Variants in RUNX1 observed in about 807,000 individuals in gnomAD.
The protein encoded by RUNX1 is RUNX family transcription factor 1.
A neutral mutation model predicts 42.8 loss-of-function variants in RUNX1; 19 were observed. The ratio of observed to expected loss-of-function variants is 0.44; its 90% confidence interval spans 0.31 to 0.65. The LOEUF is 0.65. RUNX1 is among the 30% of genes least tolerant of loss of function. The probability of loss-of-function intolerance (pLI) is 0.07; values close to 1 mark genes in which losing one functional copy is unlikely to be tolerated. For missense variants in RUNX1, 528 were observed against 672.0 expected, an observed-to-expected ratio of 0.79 and a Z score of 2.37; for synonymous variants, 271 against 289.4, an observed-to-expected ratio of 0.94 and a Z score of 0.64.
intron 7 of RUNX1, among the ~76,000 whole-genome samples, chr21:34,820,197 G>T (rs561661201): frequency 2.0e-5 from 3 of 152,194 alleles, no homozygotes; most frequent in African/African-American, 7.2e-5. Context: ...CTGGGGCTGC[G>T]GAGGGTGGGC....
At position 35,038,466 on chromosome 21, in the gene RUNX1, T is replaced by A. The variant is rs750158435; in HGVS notation, c.58+10376A>T. 5 of 454,462 alleles carry A rather than the reference T, an allele frequency of 1.1e-5. 1 individual carries two copies. The highest frequency in any genetic ancestry group is 7.8e-5 in the South Asian group (5 of 64,382). 28.2% of individuals were successfully genotyped at this position (454,462 alleles called of 1,614,324 possible). A position where few individuals can be genotyped will look rare whatever the true frequency, so the allele number is the denominator to read the frequency against. On this transcript the variant is annotated intron_variant, in intron 2 of 8. Coordinates refer to ENST00000675419, the MANE Select transcript of RUNX1 (RefSeq NM_001754.5). ...AGCTACGTCCTGGTGAGCAGAGACA[T>A]GACAGCAGCAGTTTCTGCTACACCT...
rs144758935 is a variant in RUNX1 at position 34,901,569 on chromosome 21, G to A, written c.59-8606C>T. Among the ~76,000 whole-genome samples the A allele has an allele frequency of 1.2e-3, 180 of 152,184 alleles. No homozygotes were observed. The highest frequency in any genetic ancestry group is 2.2e-3 in the Non-Finnish European group (148 of 68,020). ...CCAGTTTCTATCTGTTAGTCTTACG[G>A]GTTGAAGACAGAGGTTAAGGGGCCA... On this transcript the variant is annotated intron_variant, in intron 2 of 8. Transcript: ENST00000675419. This position sits in a 1 kb window ranked among gnomAD's most constrained non-coding sequence, Gnocchi z 4.3.
At chr21:34,873,781 T>C (rs2284618) in intron 5 of RUNX1, among the ~76,000 whole-genome samples, 36,033 of 152,164 alleles carry the variant, frequency 0.24, 4,477 homozygotes, top group African/African-American at 0.29. Context: ...ATGCCGTCGA[T>C]TGCTCTGTCT....
intron 2 of RUNX1, among the ~76,000 whole-genome samples, chr21:35,015,624 G>A (rs754758414): frequency 5.3e-5 from 8 of 152,180 alleles, no homozygotes; most frequent in Non-Finnish European, 8.8e-5. Flanking sequence ...CTTTGATCAT[G>A]CGAAAGTCAA....
intron 2 of RUNX1, among the ~76,000 whole-genome samples, chr21:34,910,323 T>A (rs1013635946): frequency 7.9e-5 from 12 of 152,158 alleles, no homozygotes; most frequent in African/African-American, 2.4e-4. Flanking sequence ...CAGGTCCTAT[T>A]TTTCTCCTTT....
At chr21:34,826,062 A>G (rs2056982699) in intron 7 of RUNX1, among the ~76,000 whole-genome samples, 1 of 152,204 alleles carries the variant, frequency 6.6e-6, no homozygotes, top group Admixed American at 6.5e-5. Flanking sequence ...TAAGCCACCA[A>G]GTTTGTGGTT....
intron 2 of RUNX1, among the ~76,000 whole-genome samples, chr21:35,003,422 A>G (rs1367404675): frequency 2.0e-5 from 3 of 152,232 alleles, no homozygotes; most frequent in African/African-American, 7.2e-5. Context: ...CAGTACATGT[A>G]GACATGACTA....
At chr21:34,988,918 G>A (rs2058913134) in intron 2 of RUNX1, among the ~76,000 whole-genome samples, 1 of 152,104 alleles carries the variant, frequency 6.6e-6, no homozygotes, top group South Asian at 2.1e-4. Flanking sequence ...TCCTCAAAGG[G>A]AACTGAGATG....
intron 7 of RUNX1, among the ~76,000 whole-genome samples, chr21:34,812,308 G>A (rs2056768391): frequency 6.6e-6 from 1 of 152,174 alleles, no homozygotes; most frequent in African/African-American, 2.4e-5. Context: ...CAGCCATTTT[G>A]CACACCCCAA....
intron 2 of RUNX1, among the ~76,000 whole-genome samples, chr21:35,044,021 CTT>C (rs2059379124): frequency 6.6e-6 from 1 of 152,218 alleles, no homozygotes; most frequent in Admixed American, 6.5e-5. Flanking sequence ...AGATCAAAGA[CTT>C]AGCATGACAT....
rs1038214564 is a variant in RUNX1, at chr21:34,792,690, C to T, written c.968-80G>A. ...CAGCTCTTCCCTCTGCCCCAGGGGGCTACCCAGGATGATACCGCCTAGGAG... is the reference window on the plus strand; with the variant it reads ...CAGCTCTTCCCTCTGCCCCAGGGGGTTACCCAGGATGATACCGCCTAGGAG... On this transcript the variant is annotated intron_variant, in intron 8 of 8. Transcript: ENST00000675419. The surrounding 1 kb of genome is among the most constrained non-coding windows in gnomAD (Gnocchi z 6.9). 16 of 1,361,310 alleles carry T rather than the reference C, an allele frequency of 1.2e-5. No homozygotes were observed. The highest frequency in any genetic ancestry group is 1.6e-5 in the Non-Finnish European group (16 of 1,003,200). 84.3% of individuals were successfully genotyped at this position (1,361,310 alleles called of 1,614,324 possible).
chr21:34,847,429 AATTTT>A (rs1368781847), intron 6 of RUNX1, among the ~76,000 whole-genome samples: 19 of 152,106 alleles, frequency 1.2e-4, no homozygotes, highest in African/African-American at 1.7e-4. Flanking sequence ...TAAATCAATT[AATTTT>A]ATTTAAAATC....
At chr21:34,800,670 T>A (rs1020895132) in intron 7 of RUNX1, among the ~76,000 whole-genome samples, 1 of 152,194 alleles carries the variant, frequency 6.6e-6, no homozygotes, top group Admixed American at 6.5e-5. Context: ...GCCTTTCTGT[T>A]TATCTCTTTG....
chr21:34,837,179 T>C (rs186600190), intron 6 of RUNX1, among the ~76,000 whole-genome samples: 17 of 152,304 alleles, frequency 1.1e-4, no homozygotes, highest in Admixed American at 9.8e-4. Context: ...GAGAAAACAA[T>C]TCTTCACTCT....
chr21:34,933,007 G>A (rs2058459204), intron 2 of RUNX1, among the ~76,000 whole-genome samples: 1 of 152,132 alleles, frequency 6.6e-6, no homozygotes, highest in Admixed American at 6.5e-5. Flanking sequence ...GTACATGTAC[G>A]TGTGCATAAT....
At position 34,957,223 on chromosome 21, in the gene RUNX1, A is replaced by C. The variant is rs532129892; in HGVS notation, c.59-64260T>G. 9.8e-5 allele frequency among the ~76,000 whole-genome samples: 15 copies of C among 152,312 alleles called. No homozygotes were observed. The East Asian group carries it at 2.9e-3, about 29-fold the overall frequency. On this transcript the variant is annotated intron_variant, in intron 2 of 8. Transcript: ENST00000675419. ...GTAATATTTGCCAACTGCTTTGAAGATGAAAAGCGTTATGGGGCACTAAAT... is the reference window on the plus strand; with the variant it reads ...GTAATATTTGCCAACTGCTTTGAAGCTGAAAAGCGTTATGGGGCACTAAAT...
chr21:34,930,448 G>T (rs1439569427), intron 2 of RUNX1, among the ~76,000 whole-genome samples: 3 of 151,654 alleles, frequency 2.0e-5, no homozygotes, highest in Non-Finnish European at 2.9e-5. Context: ...CTGAAGGAAG[G>T]ACTCTGAGAC....
chr21:35,045,324 T>A (rs933810318), intron 2 of RUNX1, among the ~76,000 whole-genome samples: 2 of 152,124 alleles, frequency 1.3e-5, no homozygotes, highest in Non-Finnish European at 2.9e-5. Flanking sequence ...TCCCACAGTT[T>A]CCTTGTGGGC....
chr21:34,946,372 C>T (rs1416385756), intron 2 of RUNX1, among the ~76,000 whole-genome samples: 1 of 152,188 alleles, frequency 6.6e-6, no homozygotes, highest in African/African-American at 2.4e-5. Context: ...GTTCAGATCA[C>T]ATAGCACATT....
Sources: allele counts gnomAD v4.1 joint callset (sites outside exome capture counted in the v4.1 genomes callset), GRCh38; gene constraint gnomAD v4.1.1; non-coding constraint Gnocchi (gnomAD v3.1); transcripts MANE v1.5; gene names NCBI Gene and HGNC (gene_info 2026-07-23, HGNC 2026-07-21).